The following PRKAR2A variants were observed in gnomAD, a reference collection of about 807,000 sequenced individuals.
PRKAR2A encodes cAMP-dependent protein kinase type II-alpha regulatory subunit.
PRKAR2A carries 29 observed loss-of-function variants against 51.9 expected under a neutral mutation model. That is an observed-to-expected ratio of 0.56 (90% CI 0.42 to 0.76). The LOEUF (loss-of-function observed/expected upper bound fraction) is 0.76, where lower values mean the gene tolerates loss of function less well. Among genes scored for constraint, PRKAR2A ranks in the 30% least tolerant of loss-of-function variants. PRKAR2A has a pLI of 0.00. For synonymous variants in PRKAR2A, 178 were observed against 186.2 expected (o/e 0.96, Z 0.36); for missense variants, 445 against 512.1 (o/e 0.87, Z 1.26).
rs377254335 is a variant in PRKAR2A at position 48,807,688 on chromosome 3, C to T, written c.263-4G>A. ...TTAAATCTGCTAGGAACTGGAACTG[C>T]AAAATAAAGAAGCAACATTTAGTCA... is the stretch of plus-strand genomic sequence containing the variant. On this transcript the variant is annotated splice_polypyrimidine_tract_variant and splice_region_variant and intron_variant, in intron 1 of 10. Coordinates refer to ENST00000265563, the MANE Select transcript of PRKAR2A (RefSeq NM_004157.4). The T allele has an allele frequency of 3.1e-6, 5 of 1,604,462 alleles. No homozygotes were observed. Among genetic ancestry groups the T allele is most frequent in the Non-Finnish European group, 4.3e-6 (5 of 1,172,120 alleles).
Position 48,829,871 on chromosome 3 carries a change from A to ATATATAT in PRKAR2A, c.262+17463_262+17464insATATATA, listed in dbSNP as rs1297832658. 3.5e-3 allele frequency among the ~76,000 whole-genome samples: 311 copies of ATATATAT among 87,712 alleles called. 5 individuals are homozygous for ATATATAT. Among genetic ancestry groups the ATATATAT allele is most frequent in the Non-Finnish European group, 4.5e-3 (224 of 49,360 alleles). The allele number at this position is 87,712 out of a possible 152,430, so 57.5% of individuals were successfully genotyped here. Reference sequence around the variant, plus strand: ...TGTATATATATATATATATATATATATTTTTTTTTTTTTTTTAAGCTTTTT... The same window carrying ATATATAT: ...TGTATATATATATATATATATATATATATATATTTTTTTTTTTTTTTTTAAGCTTTTT... On this transcript the variant is annotated intron_variant, in intron 1 of 10. Coordinates refer to ENST00000265563, the MANE Select transcript of PRKAR2A (RefSeq NM_004157.4).
In PRKAR2A at chr3:48,840,949, T is replaced by G. The variant is rs2083371292; in HGVS notation, c.262+6386A>C. Among the ~76,000 whole-genome samples the G allele has an allele frequency of 1.4e-5, 2 of 143,916 alleles. 1 individual carries two copies. Among genetic ancestry groups the G allele is most frequent in the South Asian group, 4.6e-4 (2 of 4,390 alleles). The allele number at this position is 143,916 out of a possible 152,430, so 94.4% of individuals were successfully genotyped here. A position where few individuals can be genotyped will look rare whatever the true frequency, so the allele number is the denominator to read the frequency against. On this transcript the variant is annotated intron_variant, in intron 1 of 10. Transcript: ENST00000265563. ...CAGGCTGGAGTGCAATGGCGTGATC[T>G]CCGCTCACTGAAACCTCCACCTCCT...
At chr3:48,840,368 G>A (rs1319135987) in intron 1 of PRKAR2A, among the ~76,000 whole-genome samples, 1 of 151,648 alleles carries the variant, frequency 6.6e-6, no homozygotes, top group Non-Finnish European at 1.5e-5. Flanking sequence ...GGTGGCACAC[G>A]CCTGTAATCC....
chr3:48,802,820 T>C (rs1453460047), intron 2 of PRKAR2A, among the ~76,000 whole-genome samples: 1 of 152,230 alleles, frequency 6.6e-6, no homozygotes, highest in Non-Finnish European at 1.5e-5. Context: ...AAAAAGTTCA[T>C]TTTTTAAGAA....
At position 48,755,020 on chromosome 3, in the gene PRKAR2A, CAG is replaced by C. The variant is rs1488255299; in HGVS notation, c.939+1357_939+1358del. Among the ~76,000 whole-genome samples, 289 of 124,466 alleles carry C rather than the reference CAG, an allele frequency of 2.3e-3. 3 individuals carry two copies. Among genetic ancestry groups the C allele is most frequent in the African/African-American group, 8.6e-3 (272 of 31,614 alleles). 81.7% of individuals were successfully genotyped at this position (124,466 alleles called of 152,430 possible). ...ACTTTTTTTTTTTTTTTTTTTGAGA[CAG>C]AGTCTTGCTCTGTTGCCCAGGCTGG... On this transcript the variant is annotated intron_variant, in intron 9 of 10. Transcript: ENST00000265563.
chr3:48,835,833 A>G (rs944364247), intron 1 of PRKAR2A, among the ~76,000 whole-genome samples: 1 of 152,110 alleles, frequency 6.6e-6, no homozygotes, highest in Non-Finnish European at 1.5e-5. Flanking sequence ...ACAATTCTAA[A>G]AAAAGAATGA....
At chr3:48,840,760 TAG>T (rs1342625876) in intron 1 of PRKAR2A, among the ~76,000 whole-genome samples, 1 of 150,002 alleles carries the variant, frequency 6.7e-6, no homozygotes, top group Non-Finnish European at 1.5e-5. Context: ...GTATTTTTAG[TAG>T]AGACGGAATT....
intron 9 of PRKAR2A, 87 bp from the exon 10 acceptor site, chr3:48,752,404 A>G (rs2081665497): frequency 1.5e-6 from 2 of 1,376,098 alleles, no homozygotes; most frequent in Non-Finnish European, 2.0e-6. Context: ...TGTTCTCAGC[A>G]TACTCTACAC....
At chr3:48,818,453 C>A (rs767130508) in intron 1 of PRKAR2A, among the ~76,000 whole-genome samples, 7 of 152,164 alleles carry the variant, frequency 4.6e-5, no homozygotes, top group Non-Finnish European at 1.0e-4. Context: ...GGTTTGCATT[C>A]TAGCTTCAGA....
intron 5 of PRKAR2A, among the ~76,000 whole-genome samples, chr3:48,774,727 C>T (rs551308719): frequency 1.3e-5 from 2 of 152,296 alleles, no homozygotes; most frequent in South Asian, 4.1e-4. Context: ...ATAGCAACCT[C>T]CATGTGGCTA....
At chr3:48,769,052 A>G (rs1055600162) in intron 6 of PRKAR2A, among the ~76,000 whole-genome samples, 3 of 151,932 alleles carry the variant, frequency 2.0e-5, no homozygotes. Context: ...GTGAGCCGAG[A>G]TAATGCCACT....
At chr3:48,810,119 T>C (rs1209388840) in intron 1 of PRKAR2A, among the ~76,000 whole-genome samples, 1 of 152,152 alleles carries the variant, frequency 6.6e-6, no homozygotes, top group Non-Finnish European at 1.5e-5. Flanking sequence ...GAAGGATAAT[T>C]TGACAGCCTT....
chr3:48,793,333 T>G (rs2082422990), intron 3 of PRKAR2A, among the ~76,000 whole-genome samples: 1 of 152,118 alleles, frequency 6.6e-6, no homozygotes, highest in Non-Finnish European at 1.5e-5. Flanking sequence ...TAAACTCCAT[T>G]TGTACATCCT....
At chr3:48,789,605 C>G (rs2082350799) in intron 4 of PRKAR2A, among the ~76,000 whole-genome samples, 1 of 151,690 alleles carries the variant, frequency 6.6e-6, no homozygotes, top group Non-Finnish European at 1.5e-5. Flanking sequence ...ATTCTCCTGC[C>G]TCGGCCTCCT....
At chr3:48,782,010 CTA>C (rs1225044887) in intron 5 of PRKAR2A, among the ~76,000 whole-genome samples, 1 of 152,148 alleles carries the variant, frequency 6.6e-6, no homozygotes, top group Non-Finnish European at 1.5e-5. Context: ...GATAAAAAAA[CTA>C]TTTTTGTTTC....
At chr3:48,841,270 G>C (rs375073470) in intron 1 of PRKAR2A, among the ~76,000 whole-genome samples, 1 of 151,586 alleles carries the variant, frequency 6.6e-6, no homozygotes, top group African/African-American at 2.4e-5. Flanking sequence ...GGTAGGCCGG[G>C]AACGGTGGCT....
At chr3:48,810,409 T>C (rs1281608365) in intron 1 of PRKAR2A, among the ~76,000 whole-genome samples, 1 of 152,184 alleles carries the variant, frequency 6.6e-6, no homozygotes, top group African/African-American at 2.4e-5. Flanking sequence ...TATCTTCCTG[T>C]GTACTTTAAA....
intron 1 of PRKAR2A, among the ~76,000 whole-genome samples, chr3:48,813,347 G>A (rs2082810373): frequency 6.6e-6 from 1 of 152,074 alleles, no homozygotes; most frequent in African/African-American, 2.4e-5. Context: ...AGGTTTCAGT[G>A]AGCTATCATC....
At chr3:48,841,849 T>C (rs368113867) in intron 1 of PRKAR2A, among the ~76,000 whole-genome samples, 4 of 152,330 alleles carry the variant, frequency 2.6e-5, no homozygotes, top group African/African-American at 7.2e-5. Context: ...TATAATTATG[T>C]AGCGCAGCCA....
Sources: gnomAD v4.1 joint callset for allele counts (sites outside exome capture counted in the v4.1 genomes callset) on GRCh38, gnomAD v4.1.1 for gene constraint, MANE v1.5 for transcripts, NCBI Gene and HGNC (gene_info 2026-07-23, HGNC 2026-07-21) for gene names.